Variants in HECW1 observed in about 807,000 individuals in gnomAD.
HECW1 encodes the protein HECT, C2 and WW domain containing E3 ubiquitin protein ligase 1, also known as E3 ubiquitin-protein ligase HECW1.
HECW1 carries 61 observed loss-of-function variants against 182.3 expected under a neutral mutation model. The ratio of observed to expected loss-of-function variants is 0.33; its 90% CI spans 0.27 to 0.41. HECW1 has a LOEUF of 0.41. Among genes scored for constraint, HECW1 ranks in the 10% least tolerant of loss-of-function variants. The pLI is 1.00. For missense variants in HECW1, 1,739 were observed against 2,108.9 expected (o/e 0.82, Z 3.44); for synonymous variants, 859 against 832.6 (o/e 1.03, Z -0.55).
chr7:43,516,226 G>A (rs548191644), intron 24 of HECW1, among the ~76,000 whole-genome samples: 2 of 152,130 alleles, frequency 1.3e-5, no homozygotes, highest in East Asian at 1.9e-4. Flanking sequence ...CATACTTGGC[G>A]CTCAGTAAAT....
At chr7:43,356,710 G>A (rs1196953841) in intron 5 of HECW1, among the ~76,000 whole-genome samples, 1 of 151,808 alleles carries the variant, frequency 6.6e-6, no homozygotes, top group East Asian at 1.9e-4. Context: ...GACCACAAAA[G>A]GAATAAAACA....
At chr7:43,325,038 T>C (rs76928591) in intron 5 of HECW1, among the ~76,000 whole-genome samples, 2 of 152,312 alleles carry the variant, frequency 1.3e-5, no homozygotes, top group South Asian at 2.1e-4. Flanking sequence ...TACCATCAAA[T>C]TAGGAATATT....
At chr7:43,551,436 C>T (rs1414569274) in intron 27 of HECW1, among the ~76,000 whole-genome samples, 2 of 145,254 alleles carry the variant, frequency 1.4e-5, no homozygotes, top group Non-Finnish European at 3.1e-5. Flanking sequence ...AAAATACAGT[C>T]GTTTTAATAC....
At chr7:43,435,253 A>G (rs1215652150) in intron 8 of HECW1, among the ~76,000 whole-genome samples, 3 of 152,242 alleles carry the variant, frequency 2.0e-5, no homozygotes, top group East Asian at 3.9e-4. Context: ...ATTATAATAC[A>G]CTCCAGAATG....
Position 43,186,104 on chromosome 7 carries a change from A to G in HECW1, c.-31-57771A>G, listed in dbSNP as rs550963555. Among the ~76,000 whole-genome samples, 4 of 152,298 alleles carry G rather than the reference A, an allele frequency of 2.6e-5. No homozygotes were observed. In the East Asian group the frequency reaches 5.8e-4, roughly 22 times the overall value. ...AGATCAAGAGCAAGATAATCGTCATAGAGCTTCTTTGGGAATTTCATGCTT... is the reference window on the plus strand; with the variant it reads ...AGATCAAGAGCAAGATAATCGTCATGGAGCTTCTTTGGGAATTTCATGCTT... On this transcript the variant is annotated intron_variant, in intron 2 of 29. Transcript: ENST00000395891.
chr7:43,422,860 G>A lies in HECW1; in HGVS notation c.801+15129G>A, dbSNP rs185778913. 2.9e-3 allele frequency among the ~76,000 whole-genome samples: 447 copies of A among 151,744 alleles called. 2 individuals are homozygous for A. Among genetic ancestry groups the A allele is most frequent in the Admixed American group, 5.6e-3 (85 of 15,264 alleles). ...TCAGCCAGGTTAAGCTAAAAGCCCT[G>A]TCACCTGGAGATAAATCGCAGTGCC... is the stretch of plus-strand genomic sequence containing the variant. On this transcript the variant is annotated intron_variant, in intron 8 of 29. Transcript: ENST00000395891.
intron 6 of HECW1, among the ~76,000 whole-genome samples, chr7:43,361,971 G>A (rs1815993103): frequency 6.6e-6 from 1 of 151,104 alleles, no homozygotes; most frequent in Non-Finnish European, 1.5e-5. Flanking sequence ...GTGAAACGCT[G>A]TCTCTACTAA....
chr7:43,538,410 A>G (rs975647173), intron 24 of HECW1, among the ~76,000 whole-genome samples: 3 of 152,200 alleles, frequency 2.0e-5, no homozygotes, highest in African/African-American at 7.2e-5. Flanking sequence ...TTAGCACAAG[A>G]GATGTTGGTA....
chr7:43,488,461 AAAGAAAGAAAGAAAGAAAGAAAG>A, intron 17 of HECW1, among the ~76,000 whole-genome samples: 1 of 147,102 alleles, frequency 6.8e-6, no homozygotes, highest in African/African-American at 2.6e-5. Flanking sequence ...AGAAAGAAAG[AAAGAAAGAAAGAAAGAAAGAAAG>A]AAAGAGAAAG....
chr7:43,534,562 A>G (rs567715727), intron 24 of HECW1, among the ~76,000 whole-genome samples: 1 of 152,238 alleles, frequency 6.6e-6, no homozygotes, highest in Non-Finnish European at 1.5e-5. Context: ...CTTCCTGGGT[A>G]GAGACCTACT....
At chr7:43,139,632 T>C (rs1787946064) in intron 2 of HECW1, among the ~76,000 whole-genome samples, 2 of 152,244 alleles carry the variant, frequency 1.3e-5, no homozygotes, top group African/African-American at 2.4e-5. Context: ...TTTATTATAA[T>C]ACCTTCTTAA....
At chr7:43,132,302 A>C (rs1275797540) in intron 2 of HECW1, among the ~76,000 whole-genome samples, 2 of 152,224 alleles carry the variant, frequency 1.3e-5, no homozygotes, top group Non-Finnish European at 2.9e-5. Context: ...CCTATTGGTT[A>C]AAATAATGAT....
chr7:43,288,425 T>A (rs553281202), intron 3 of HECW1, among the ~76,000 whole-genome samples: 1 of 152,344 alleles, frequency 6.6e-6, no homozygotes, highest in South Asian at 2.1e-4. Context: ...AAGCTTTCCA[T>A]AATTTTAAGT....
intron 8 of HECW1, among the ~76,000 whole-genome samples, chr7:43,417,720 C>G (rs1409404911): frequency 6.6e-6 from 1 of 152,126 alleles, no homozygotes; most frequent in African/African-American, 2.4e-5. Flanking sequence ...AAATGCAGTT[C>G]CACTGTGTTA....
intron 3 of HECW1, among the ~76,000 whole-genome samples, chr7:43,246,674 A>G (rs935035821): frequency 6.6e-6 from 1 of 152,360 alleles, no homozygotes; most frequent in South Asian, 2.1e-4. Context: ...TCACCCAAAG[A>G]TGGCTTTCTA....
rs533527803 is a variant in HECW1, at chr7:43,482,809, G to A, written c.3234+3065G>A. Among the ~76,000 whole-genome samples, 39 of 152,304 alleles carry A rather than the reference G, an allele frequency of 2.6e-4. 1 individual carries two copies. In the South Asian group the frequency reaches 3.9e-3, roughly 15 times the overall value. On this transcript the variant is annotated intron_variant, in intron 17 of 29. Coordinates refer to ENST00000395891, the MANE Select transcript of HECW1 (RefSeq NM_015052.5). ...GCTCCCAGCTTCTCGGGAGGCTGAA[G>A]TGGGAGGATGGCTTGAGCCTGGGAG...
At chr7:43,491,373 A>G (rs2078928172) in intron 17 of HECW1, among the ~76,000 whole-genome samples, 1 of 152,242 alleles carries the variant, frequency 6.6e-6, no homozygotes, top group African/African-American at 2.4e-5. Flanking sequence ...AAGCCAGCAC[A>G]GTGAATGCAA....
At chr7:43,465,667 A>G (rs2077740700) in intron 14 of HECW1, among the ~76,000 whole-genome samples, 1 of 152,144 alleles carries the variant, frequency 6.6e-6, no homozygotes, top group African/African-American at 2.4e-5. Context: ...TACAAGGAGG[A>G]GAGGAATTGT....
intron 11 of HECW1, among the ~76,000 whole-genome samples, chr7:43,450,561 G>A (rs1374298554): frequency 6.6e-6 from 1 of 152,088 alleles, no homozygotes; most frequent in Admixed American, 6.5e-5. Flanking sequence ...GGAAATTCGG[G>A]TCATTACAGA....
Sources: gnomAD v4.1 joint callset for allele counts (sites outside exome capture counted in the v4.1 genomes callset) on GRCh38, gnomAD v4.1.1 for gene constraint, MANE v1.5 for transcripts, NCBI Gene and HGNC (gene_info 2026-07-23, HGNC 2026-07-21) for gene names.